Variants in HECW2 observed in about 807,000 individuals in gnomAD.
The protein encoded by HECW2 is E3 ubiquitin-protein ligase HECW2.
A neutral mutation model predicts 175.2 loss-of-function variants in HECW2; 61 were observed. The observed-to-expected ratio is 0.35, with a 90% CI of 0.28 to 0.43. The LOEUF (loss-of-function observed/expected upper bound fraction) is 0.43, where lower values mean the gene tolerates loss of function less well. HECW2 is among the 20% of genes least tolerant of loss of function. The pLI is 1.00. For synonymous variants in HECW2, 671 were observed against 731.0 expected (o/e 0.92, Z 1.32); for missense variants, 1,524 against 2,000.5 (o/e 0.76, Z 4.54).
chr2:196,429,977 G>A (rs1194093426), intron 2 of HECW2, among the ~76,000 whole-genome samples: 1 of 152,194 alleles, frequency 6.6e-6, no homozygotes, highest in Non-Finnish European at 1.5e-5. Context: ...GTGACCAGAG[G>A]TTAAGCAGTG....
intron 1 of HECW2, among the ~76,000 whole-genome samples, chr2:196,566,421 A>G (rs2125506855): frequency 6.6e-6 from 1 of 152,272 alleles, no homozygotes; most frequent in East Asian, 1.9e-4. Context: ...TTCTTTATGC[A>G]TTAATAAACT....
At chr2:196,544,107 T>C (rs1031529483) in intron 1 of HECW2, among the ~76,000 whole-genome samples, 2 of 152,202 alleles carry the variant, frequency 1.3e-5, no homozygotes, top group African/African-American at 4.8e-5. Context: ...AAGCAGGCAC[T>C]ATAAAAACTA....
At chr2:196,370,201 A>C (rs1449893176) in intron 2 of HECW2, among the ~76,000 whole-genome samples, 1 of 151,692 alleles carries the variant, frequency 6.6e-6, no homozygotes, top group African/African-American at 2.4e-5. Flanking sequence ...ACTGCTGCTG[A>C]TTATTTAGGG....
At chr2:196,383,459 G>A (rs1307249262) in intron 2 of HECW2, among the ~76,000 whole-genome samples, 5 of 152,188 alleles carry the variant, frequency 3.3e-5, no homozygotes, top group Non-Finnish European at 7.3e-5. Flanking sequence ...GCCTAGGAGA[G>A]AAAAGTCTGT....
intron 1 of HECW2, among the ~76,000 whole-genome samples, chr2:196,446,406 T>C (rs1199032392): frequency 6.6e-6 from 1 of 152,338 alleles, no homozygotes; most frequent in East Asian, 1.9e-4. Context: ...TAATATACAG[T>C]ATGACTTATT....
At chr2:196,396,798 A>C (rs1330555443) in intron 2 of HECW2, among the ~76,000 whole-genome samples, 1 of 138,746 alleles carries the variant, frequency 7.2e-6, no homozygotes, top group Non-Finnish European at 1.5e-5. Context: ...TTACAGACCT[A>C]GGTTTGCATA....
At chr2:196,362,829 G>C (rs1295826884) in intron 2 of HECW2, among the ~76,000 whole-genome samples, 1 of 152,190 alleles carries the variant, frequency 6.6e-6, no homozygotes, top group African/African-American at 2.4e-5. Flanking sequence ...ACCTGTGTCA[G>C]TGGTTGCAAT....
At chr2:196,376,967 A>G (rs1217079954) in intron 2 of HECW2, among the ~76,000 whole-genome samples, 1 of 152,184 alleles carries the variant, frequency 6.6e-6, no homozygotes, top group East Asian at 1.9e-4. Context: ...TAAATGAATG[A>G]ATTAATTAAG....
chr2:196,554,747 G>C (rs1251381973), intron 1 of HECW2, among the ~76,000 whole-genome samples: 1 of 152,192 alleles, frequency 6.6e-6, no homozygotes, highest in Non-Finnish European at 1.5e-5. Context: ...CAATGGGTCT[G>C]GGGCTTTGAT....
chr2:196,201,441 ATGTGTGTGGTG>A, intron 28 of HECW2, 53 bp from the exon 29 acceptor site: 4 of 1,277,868 alleles, frequency 3.1e-6, no homozygotes, highest in Non-Finnish European at 4.6e-6. Flanking sequence ...TGAAATGAAA[ATGTGTGTGGTG>A]TGTGTGTGTG....
At chr2:196,284,978 T>G (rs1424030330) in intron 14 of HECW2, among the ~76,000 whole-genome samples, 1 of 152,214 alleles carries the variant, frequency 6.6e-6, no homozygotes. Context: ...TTTACAGTGC[T>G]GGGCCAACTA....
chr2:196,321,381 C>T (rs903560535), intron 7 of HECW2, among the ~76,000 whole-genome samples: 9 of 91,662 alleles, frequency 9.8e-5, no homozygotes, highest in Admixed American at 5.4e-4. Flanking sequence ...ATGACTTATT[C>T]TTTTTCTCTC....
At chr2:196,271,632 T>C (rs1689742280) in intron 16 of HECW2, among the ~76,000 whole-genome samples, 1 of 152,158 alleles carries the variant, frequency 6.6e-6, no homozygotes, top group Non-Finnish European at 1.5e-5. Context: ...CAGCCAGGCA[T>C]GGTAGCTCAC....
intron 1 of HECW2, among the ~76,000 whole-genome samples, chr2:196,557,765 G>A (rs1689856804): frequency 6.6e-6 from 1 of 152,138 alleles, no homozygotes; most frequent in Non-Finnish European, 1.5e-5. Context: ...ATTTTGATTT[G>A]CTTATGTAAA....
At chr2:196,518,006 T>C (rs1688211203) in intron 1 of HECW2, among the ~76,000 whole-genome samples, 1 of 152,222 alleles carries the variant, frequency 6.6e-6, no homozygotes, top group East Asian at 1.9e-4. Context: ...TCAAATGTCC[T>C]TTAATGTTTG....
intron 2 of HECW2, among the ~76,000 whole-genome samples, chr2:196,367,876 T>TGTGTGTGTGTGTGTGTGTGTGTG (rs1553508124): frequency 3.0e-4 from 44 of 144,994 alleles, no homozygotes; most frequent in African/African-American, 1.1e-3. Context: ...GTGTGTGTGT[T>TGTGTGTGTGTGTGTGTGTGTGTG]TGTGTGTGTG....
intron 1 of HECW2, among the ~76,000 whole-genome samples, chr2:196,466,135 G>A (rs1308540889): frequency 6.6e-6 from 1 of 152,134 alleles, no homozygotes; most frequent in Non-Finnish European, 1.5e-5. Flanking sequence ...AAGTATAAAT[G>A]ACTCTCCCTA....
At chr2:196,459,954 C>G (rs1447929554) in intron 1 of HECW2, among the ~76,000 whole-genome samples, 1 of 152,284 alleles carries the variant, frequency 6.6e-6, no homozygotes, top group East Asian at 1.9e-4. Context: ...ATGACTCCTC[C>G]TATTGCTTAC....
At chr2:196,220,727 A>G (rs1257736751) in intron 25 of HECW2, 68 bp downstream of exon 25, 2 of 1,497,256 alleles carry the variant, frequency 1.3e-6, no homozygotes, top group Non-Finnish European at 1.9e-6. Context: ...CATGTAAAGT[A>G]CAATAAGATG....
Sources: gnomAD v4.1 joint callset for allele counts (sites outside exome capture counted in the v4.1 genomes callset) on GRCh38, gnomAD v4.1.1 for gene constraint, MANE v1.5 for transcripts, NCBI Gene and HGNC (gene_info 2026-07-23, HGNC 2026-07-21) for gene names.